Variants in MGAT5B observed in about 807,000 individuals in gnomAD.
The protein encoded by MGAT5B is alpha-1,6-mannosylglycoprotein 6-beta-N-acetylglucosaminyltransferase B, also known as N-acetylglucosaminyl-transferase Vb.
MGAT5B carries 54 observed loss-of-function variants against 95.1 expected under a neutral mutation model. That is an observed-to-expected ratio of 0.57 (90% confidence interval 0.46 to 0.71). The LOEUF (loss-of-function observed/expected upper bound fraction) is 0.71. Ranked by LOEUF, MGAT5B falls within the 30% of genes least tolerant of loss-of-function variation. MGAT5B has a pLI of 0.00. For missense variants in MGAT5B, 935 were observed against 1,088.6 expected (o/e 0.86, Z 1.99); for synonymous variants, 464 against 451.0 (o/e 1.03, Z -0.36).
intron 3 of MGAT5B, among the ~76,000 whole-genome samples, chr17:76,897,699 TTCTTTCTTTCTTTCTTTC>T (rs1968125791): frequency 1.8e-5 from 2 of 113,614 alleles, no homozygotes; most frequent in African/African-American, 4.5e-5. Context: ...CTTTCTTTCT[TTCTTTCTTTCTTTCTTTC>T]TTTCTTTCTT....
intron 8 of MGAT5B, among the ~76,000 whole-genome samples, chr17:76,919,964 T>C (rs1244555803): frequency 6.6e-6 from 1 of 152,218 alleles, no homozygotes; most frequent in Non-Finnish European, 1.5e-5. Context: ...TTGGGCACAG[T>C]GCAGGGGCCA....
chr17:76,905,094 C>T lies in MGAT5B; in HGVS notation c.691-75C>T, dbSNP rs991483060. On this transcript the variant is annotated intron_variant, in intron 6 of 17. Transcript: ENST00000569840. The surrounding 1 kb of genome is among the most constrained non-coding windows in gnomAD (Gnocchi z 4.2). Reference sequence around the variant, plus strand: ...CCAGCCTCATGGGAGGGTGCCAGCCCCTGTCCCCAGGCCAGCGGGGAATGA... The same window carrying T: ...CCAGCCTCATGGGAGGGTGCCAGCCTCTGTCCCCAGGCCAGCGGGGAATGA... 2.6e-5 allele frequency: 38 copies of T among 1,471,406 alleles called. No individual in the cohort carries two copies. In the Admixed American group the frequency reaches 3.4e-4, roughly 13 times the overall value. 91.1% of individuals were successfully genotyped at this position (1,471,406 alleles called of 1,614,324 possible).
In MGAT5B at chr17:76,912,365, CCGT is replaced by C. The variant is rs1968772347; in HGVS notation, c.1025+6179_1025+6181del. On this transcript the variant is annotated intron_variant, in intron 8 of 17. Coordinates refer to ENST00000569840, the MANE Select transcript of MGAT5B (RefSeq NM_001199172.2). The surrounding 1 kb of genome is among the most constrained non-coding windows in gnomAD (Gnocchi z 5.0). ...GGGCCTCACCTCTCAGCCCTGGGAG[CCGT>C]TCTGTGGGAGCAGCACCAGGTTAAT... Among the ~76,000 whole-genome samples the C allele has an allele frequency of 6.6e-6, 1 of 152,086 alleles. No homozygotes were observed. The highest frequency in any genetic ancestry group is 1.5e-5 in the Non-Finnish European group (1 of 68,014).
intron 3 of MGAT5B, among the ~76,000 whole-genome samples, chr17:76,895,196 C>T (rs1424813244): frequency 6.6e-6 from 1 of 151,972 alleles, no homozygotes; most frequent in Non-Finnish European, 1.5e-5. Context: ...TTGCCTTCTT[C>T]TGATGAAAAT....
In MGAT5B at chr17:76,943,692, C is replaced by T. The variant is rs183306266; in HGVS notation, c.1849-2684C>T. Among the ~76,000 whole-genome samples the T allele has an allele frequency of 3.6e-3, 549 of 152,112 alleles. 3 individuals carry two copies. Among genetic ancestry groups the T allele is most frequent in the Middle Eastern group, 0.02 (6 of 294 alleles). On this transcript the variant is annotated intron_variant, in intron 15 of 17. Transcript: ENST00000569840. ...CTGGGCACAAGCAATCCTCCCGCCT[C>T]GGCCTCCCAAAGAGCTGGGATTACA...
At chr17:76,923,977 CTGAA>C (rs1232215378) in intron 8 of MGAT5B, 12 of 152,284 alleles carry the variant, frequency 7.9e-5, no homozygotes, top group Admixed American at 7.2e-4. Flanking sequence ...ATAGACTTAA[CTGAA>C]TGAATAAGTG....
chr17:76,897,389 G>GC (rs1176212047), intron 3 of MGAT5B, among the ~76,000 whole-genome samples: 4 of 152,224 alleles, frequency 2.6e-5, no homozygotes, highest in African/African-American at 7.2e-5. Context: ...TAGGGTGTCA[G>GC]CAGGGCCGTG....
At position 76,870,008 on chromosome 17, in the gene MGAT5B, G is replaced by A. The variant is rs1966945227; in HGVS notation, c.68+911G>A. Among the ~76,000 whole-genome samples the A allele has an allele frequency of 6.6e-6, 1 of 152,200 alleles. No individual in the cohort carries two copies. The highest frequency in any genetic ancestry group is 6.5e-5 in the Admixed American group (1 of 15,294). On this transcript the variant is annotated intron_variant, in intron 1 of 17. Transcript: ENST00000569840. This position sits in a 1 kb window ranked among gnomAD's most constrained non-coding sequence, Gnocchi z 5.0. Reference sequence around the variant, plus strand: ...CCGAGTGTCACCCCGTGGGTAGCTGGGCAGCGAGGAAGCTGGGGGAGTGAC... The same window carrying A: ...CCGAGTGTCACCCCGTGGGTAGCTGAGCAGCGAGGAAGCTGGGGGAGTGAC...
chr17:76,925,713 C>T (rs527408348), intron 9 of MGAT5B, among the ~76,000 whole-genome samples: 1 of 152,212 alleles, frequency 6.6e-6, no homozygotes, highest in African/African-American at 2.4e-5. Flanking sequence ...ACTCGGCTCT[C>T]TCCTCCCACC....
At chr17:76,934,010 C>T (rs1969578828) in intron 12 of MGAT5B, among the ~76,000 whole-genome samples, 1 of 152,176 alleles carries the variant, frequency 6.6e-6, no homozygotes, top group African/African-American at 2.4e-5. Context: ...CCATCTTGGC[C>T]ACAGGGCCAT....
intron 15 of MGAT5B, among the ~76,000 whole-genome samples, chr17:76,943,124 C>A (rs913170930): frequency 3.3e-5 from 5 of 151,720 alleles, no homozygotes; most frequent in African/African-American, 1.2e-4. Flanking sequence ...GTGGGACACA[C>A]AAGAAATTGA....
At chr17:76,879,652 G>A (rs547823306) in intron 2 of MGAT5B, among the ~76,000 whole-genome samples, 22 of 152,292 alleles carry the variant, frequency 1.4e-4, no homozygotes, top group African/African-American at 5.1e-4. Context: ...GTCATCTGAT[G>A]TCCTCCAGTT....
At chr17:76,911,580 A>G (rs1264930532) in intron 8 of MGAT5B, among the ~76,000 whole-genome samples, 2 of 152,140 alleles carry the variant, frequency 1.3e-5, no homozygotes, top group African/African-American at 4.8e-5. Flanking sequence ...ACTTTCTTGG[A>G]TGTACTTTCT....
chr17:76,931,605 G>A (rs1392125339), intron 10 of MGAT5B, among the ~76,000 whole-genome samples: 4 of 151,864 alleles, frequency 2.6e-5, no homozygotes, highest in Admixed American at 2.0e-4. Flanking sequence ...CGGTGGGAGA[G>A]AAATGGAGGC....
rs1373197923 is a variant in MGAT5B, at chr17:76,930,082, C to T, written c.1292-2563C>T. 6.6e-6 allele frequency among the ~76,000 whole-genome samples: 1 copy of T among 152,110 alleles called. No homozygotes were observed. Among genetic ancestry groups the T allele is most frequent in the African/African-American group, 2.4e-5 (1 of 41,388 alleles). On this transcript the variant is annotated intron_variant, in intron 10 of 17. Coordinates refer to ENST00000569840, the MANE Select transcript of MGAT5B (RefSeq NM_001199172.2). The surrounding 1 kb of genome is among the most constrained non-coding windows in gnomAD (Gnocchi z 4.1). ...CTGCTTTGCCTGGCATGGACAGAGC[C>T]TCCTGAGATGGGAGAGCTGTCCTGA...
chr17:76,871,713 G>T (rs929160663), intron 1 of MGAT5B, among the ~76,000 whole-genome samples: 1 of 152,248 alleles, frequency 6.6e-6, no homozygotes, highest in African/African-American at 2.4e-5. Flanking sequence ...TCTCTGGCAT[G>T]ACGTGGGGCT....
At chr17:76,888,543 A>G (rs1034910867) in intron 3 of MGAT5B, among the ~76,000 whole-genome samples, 3 of 152,194 alleles carry the variant, frequency 2.0e-5, no homozygotes, top group African/African-American at 7.2e-5. Flanking sequence ...GGGGAGATCA[A>G]TATCCCCGTT....
chr17:76,933,037 C>T (rs942868570), intron 11 of MGAT5B, among the ~76,000 whole-genome samples: 2 of 152,232 alleles, frequency 1.3e-5, no homozygotes, highest in African/African-American at 4.8e-5. Flanking sequence ...ATCTTCCACC[C>T]TTCCAAGAAA....
chr17:76,896,736 A>C (rs1204782342), intron 3 of MGAT5B, among the ~76,000 whole-genome samples: 1 of 152,128 alleles, frequency 6.6e-6, no homozygotes, highest in East Asian at 1.9e-4. Context: ...CACTCTTTCC[A>C]ATACATCTCT....
Sources: gnomAD v4.1 joint callset for allele counts (sites outside exome capture counted in the v4.1 genomes callset) on GRCh38, gnomAD v4.1.1 for gene constraint, Gnocchi (gnomAD v3.1) non-coding constraint, MANE v1.5 for transcripts, NCBI Gene and HGNC (gene_info 2026-07-23, HGNC 2026-07-21) for gene names.